The following CDK14 variants were observed in gnomAD, a reference collection of about 807,000 sequenced individuals.
CDK14 encodes the protein cyclin dependent kinase 14, also known as cyclin-dependent kinase 14.
Under a neutral mutation model 60.7 loss-of-function variants are expected in CDK14, and 34 were observed. That is an observed-to-expected ratio of 0.56 (90% CI 0.43 to 0.75). The LOEUF (loss-of-function observed/expected upper bound fraction) is 0.75. Among genes scored for constraint, CDK14 ranks in the 30% least tolerant of loss-of-function variants. The pLI, the probability that CDK14 is intolerant of heterozygous loss-of-function variation, is 0.00. For missense variants in CDK14, 482 were observed against 564.1 expected (o/e 0.85, Z 1.47); for synonymous variants, 197 against 203.7 (o/e 0.97, Z 0.28).
At chr7:91,000,817 C>T (rs766964488) in intron 10 of CDK14, among the ~76,000 whole-genome samples, 21 of 152,164 alleles carry the variant, frequency 1.4e-4, no homozygotes, top group Admixed American at 2.6e-4. Context: ...AATGTTTATG[C>T]TTTGGGAAGT....
chr7:90,903,218 C>T (rs887054822), intron 7 of CDK14, among the ~76,000 whole-genome samples: 1 of 152,086 alleles, frequency 6.6e-6, no homozygotes, highest in African/African-American at 2.4e-5. Flanking sequence ...ATCCAACAGT[C>T]CTACTAATGG....
At chr7:90,598,650 T>C (rs2116300213) in intron 1 of CDK14, among the ~76,000 whole-genome samples, 1 of 151,982 alleles carries the variant, frequency 6.6e-6, no homozygotes. Flanking sequence ...TTCTTGATGT[T>C]TTATATTGTA....
chr7:91,192,419 A>G (rs1380441207), intron 14 of CDK14, among the ~76,000 whole-genome samples: 4 of 152,252 alleles, frequency 2.6e-5, no homozygotes, highest in African/African-American at 4.8e-5. Flanking sequence ...AGCTTTCTCA[A>G]CTCTAGGACA....
chr7:90,774,181 G>T (rs1370442384), intron 4 of CDK14, among the ~76,000 whole-genome samples: 1 of 152,096 alleles, frequency 6.6e-6, no homozygotes, highest in Non-Finnish European at 1.5e-5. Context: ...TGAGATTACA[G>T]GTGTGAGCCA....
chr7:91,033,574 G>T (rs1053594224), intron 10 of CDK14, among the ~76,000 whole-genome samples: 1 of 152,220 alleles, frequency 6.6e-6, no homozygotes, highest in Admixed American at 6.5e-5. Context: ...TTCTGCAGGT[G>T]GTGGTGATGC....
chr7:91,051,389 G>A (rs1472552059), intron 11 of CDK14, among the ~76,000 whole-genome samples: 1 of 152,192 alleles, frequency 6.6e-6, no homozygotes, highest in African/African-American at 2.4e-5. Flanking sequence ...TCTCTTAAAA[G>A]AAATGGAAAA....
intron 2 of CDK14, among the ~76,000 whole-genome samples, chr7:90,655,446 G>A (rs1174053881): frequency 6.6e-6 from 1 of 151,958 alleles, no homozygotes; most frequent in Non-Finnish European, 1.5e-5. Context: ...TTCTGAAAAG[G>A]GGTTTATTTA....
At chr7:91,151,305 A>G (rs1778720525) in intron 14 of CDK14, among the ~76,000 whole-genome samples, 1 of 152,114 alleles carries the variant, frequency 6.6e-6, no homozygotes, top group Non-Finnish European at 1.5e-5. Context: ...CACAGAATCC[A>G]CTCATTTCAA....
intron 4 of CDK14, among the ~76,000 whole-genome samples, chr7:90,749,119 A>G (rs1803711213): frequency 6.6e-6 from 1 of 152,212 alleles, no homozygotes; most frequent in African/African-American, 2.4e-5. Context: ...TGTGAAGTCA[A>G]AAGTAATAGT....
intron 9 of CDK14, among the ~76,000 whole-genome samples, chr7:90,980,601 C>T (rs937837206): frequency 2.1e-4 from 32 of 152,130 alleles, no homozygotes; most frequent in African/African-American, 7.5e-4. Context: ...CTGTTATATT[C>T]ATATGTTGAT....
intron 10 of CDK14, among the ~76,000 whole-genome samples, chr7:91,006,150 C>T (rs991862861): frequency 1.8e-4 from 28 of 152,312 alleles, no homozygotes; most frequent in African/African-American, 5.8e-4. Flanking sequence ...AGCCTGCTGG[C>T]GATGTTCAGA....
chr7:91,172,188 C>T (rs1438971255), intron 14 of CDK14, among the ~76,000 whole-genome samples: 1 of 152,190 alleles, frequency 6.6e-6, no homozygotes, highest in Non-Finnish European at 1.5e-5. Flanking sequence ...ATGAATGAGA[C>T]AGAGTCCCAC....
chr7:91,091,487 G>T (rs138676273), intron 12 of CDK14, among the ~76,000 whole-genome samples: 6 of 81,270 alleles, frequency 7.4e-5, no homozygotes, highest in African/African-American at 3.5e-4. Flanking sequence ...ATATGTATAT[G>T]TAGTTTATAT....
intron 10 of CDK14, among the ~76,000 whole-genome samples, chr7:90,991,557 G>T (rs1795535494): frequency 2.6e-5 from 4 of 152,110 alleles, no homozygotes; most frequent in Non-Finnish European, 5.9e-5. Context: ...CTGTTCAGCG[G>T]GTAGGGGTGG....
intron 2 of CDK14, among the ~76,000 whole-genome samples, chr7:90,664,811 G>T (rs1800939940): frequency 6.6e-6 from 1 of 151,682 alleles, no homozygotes; most frequent in Admixed American, 6.6e-5. Flanking sequence ...AAGGGGGAGG[G>T]ATAGCATTAG....
chr7:91,184,937 C>T (rs1802123755), intron 14 of CDK14, among the ~76,000 whole-genome samples: 1 of 151,644 alleles, frequency 6.6e-6, no homozygotes, highest in Non-Finnish European at 1.5e-5. Flanking sequence ...CTCCTAGCCA[C>T]AAATCCTAGA....
chr7:91,203,946 G>A (rs1192893298), intron 14 of CDK14, among the ~76,000 whole-genome samples: 1 of 152,188 alleles, frequency 6.6e-6, no homozygotes, highest in Non-Finnish European at 1.5e-5. Flanking sequence ...TTCCCTGAAA[G>A]AACAAGGGTA....
At chr7:91,118,642 A>T (rs999230433) in intron 14 of CDK14, among the ~76,000 whole-genome samples, 3 of 152,050 alleles carry the variant, frequency 2.0e-5, no homozygotes, top group African/African-American at 4.8e-5. Context: ...AAAATAAGCA[A>T]CTCTAGCAAT....
chr7:90,726,507 A>T, intron 2 of CDK14, 60 bp from the exon 3 acceptor site: 1 of 1,538,940 alleles, frequency 6.5e-7, no homozygotes, highest in Non-Finnish European at 8.9e-7. Context: ...ATATATTGGC[A>T]TGTTTAGTGA....
Sources: allele counts gnomAD v4.1 joint callset (sites outside exome capture counted in the v4.1 genomes callset), GRCh38; gene constraint gnomAD v4.1.1; transcripts MANE v1.5; gene names NCBI Gene and HGNC (gene_info 2026-07-23, HGNC 2026-07-21).